Variants in IL23R observed in about 807,000 individuals in gnomAD.
IL23R encodes the protein interleukin-23 receptor.
A neutral mutation model predicts 56.9 loss-of-function variants in IL23R; 34 were observed. The observed-to-expected ratio is 0.60, with a 90% CI of 0.45 to 0.80. IL23R has a LOEUF of 0.80. Among genes scored for constraint, IL23R ranks in the 30% least tolerant of loss-of-function variants. IL23R has a pLI of 0.00. For missense variants in IL23R, 635 were observed against 730.0 expected, an observed-to-expected ratio of 0.87 and a Z score of 1.50; for synonymous variants, 230 against 249.2, an observed-to-expected ratio of 0.92 and a Z score of 0.73.
At chr1:67,257,865 G>A (rs561557709) in intron 10 of IL23R, among the ~76,000 whole-genome samples, 35 of 152,094 alleles carry the variant, frequency 2.3e-4, no homozygotes, top group African/African-American at 8.2e-4. Context: ...TACTACGCCT[G>A]GCTGATTTTT....
chr1:67,201,000 G>C, intron 5 of IL23R, 103 bp downstream of exon 5: 1 of 1,196,254 alleles, frequency 8.4e-7, no homozygotes, highest in Non-Finnish European at 1.2e-6. Context: ...AGTTCCTGCA[G>C]AGCATGATAA....
At chr1:67,156,810 G>A (rs1242047973) in intron 1 of IL23R, among the ~76,000 whole-genome samples, 1 of 152,140 alleles carries the variant, frequency 6.6e-6, no homozygotes, top group East Asian at 1.9e-4. Context: ...CCCTTTCCAG[G>A]GCAGTGGATG....
chr1:67,259,446 A>G lies in IL23R; in HGVS notation c.*318A>G. Reference sequence around the variant, plus strand: ...AGCCATTCTTCTGCCTCATTTCTTAAAATTAGAGAATTAAGGTCCCGAAGG... The same window carrying G: ...AGCCATTCTTCTGCCTCATTTCTTAGAATTAGAGAATTAAGGTCCCGAAGG... On this transcript the variant is annotated 3_prime_UTR_variant, in exon 11 of 11. Transcript: ENST00000347310. 2.9e-6 allele frequency: 1 copy of G among 349,398 alleles called. No homozygotes were observed. The highest frequency in any genetic ancestry group is 3.0e-5 in the South Asian group (1 of 33,512). 21.6% of individuals were successfully genotyped at this position (349,398 alleles called of 1,614,324 possible). A position where few individuals can be genotyped will look rare whatever the true frequency, so the allele number is the denominator to read the frequency against.
At chr1:67,198,058 A>C (rs1648303616) in intron 4 of IL23R, among the ~76,000 whole-genome samples, 1 of 152,156 alleles carries the variant, frequency 6.6e-6, no homozygotes, top group Non-Finnish European at 1.5e-5. Context: ...TGAACAAGAT[A>C]GAGGGAGGGG....
intron 5 of IL23R, among the ~76,000 whole-genome samples, chr1:67,203,576 T>G (rs1413544952): frequency 6.6e-6 from 1 of 152,172 alleles, no homozygotes; most frequent in African/African-American, 2.4e-5. Context: ...CAGAATGTAC[T>G]CAGAAACTCA....
At chr1:67,211,219 A>G (rs1649446907) in intron 6 of IL23R, among the ~76,000 whole-genome samples, 1 of 152,238 alleles carries the variant, frequency 6.6e-6, no homozygotes, top group Non-Finnish European at 1.5e-5. Context: ...TCAAAACAAC[A>G]CAAATACAAT....
At chr1:67,164,635 A>AT (rs1192763721), upstream of IL23R, among the ~76,000 whole-genome samples, 1 of 50,990 alleles carries the variant, frequency 2.0e-5, no homozygotes, top group Non-Finnish European at 3.5e-5. Context: ...CTGTCACAAA[A>AT]TAAAATAAAA....
intron 9 of IL23R, among the ~76,000 whole-genome samples, chr1:67,243,838 C>G (rs1652018093): frequency 6.6e-6 from 1 of 152,102 alleles, no homozygotes; most frequent in Non-Finnish European, 1.5e-5. Flanking sequence ...AATGGGATTG[C>G]TGGGTCAAAT....
intron 3 of IL23R, among the ~76,000 whole-genome samples, chr1:67,179,720 A>G (rs1647063535): frequency 6.6e-6 from 1 of 152,002 alleles, no homozygotes; most frequent in African/African-American, 2.4e-5. Flanking sequence ...TAGGTTGTCA[A>G]TTTTAGATCT....
chr1:67,209,867 T>C (rs1034124184), intron 6 of IL23R, among the ~76,000 whole-genome samples: 6 of 152,220 alleles, frequency 3.9e-5, no homozygotes, highest in Non-Finnish European at 1.5e-5. Context: ...AGTTGCTAAA[T>C]AGACAAAGCT....
chr1:67,257,261 TTATTTGTCACAGTGC>T (rs1412647590), intron 10 of IL23R, among the ~76,000 whole-genome samples: 1 of 152,126 alleles, frequency 6.6e-6, no homozygotes, highest in Non-Finnish European at 1.5e-5. Context: ...CAACAAACAT[TTATTTGTCACAGTGC>T]TGGAGGCTGG....
chr1:67,182,633 A>G (rs1461632785), intron 3 of IL23R, among the ~76,000 whole-genome samples: 1 of 151,932 alleles, frequency 6.6e-6, no homozygotes, highest in Non-Finnish European at 1.5e-5. Context: ...TGTGCACTGC[A>G]CCCACTGTCC....
intron 7 of IL23R, among the ~76,000 whole-genome samples, chr1:67,226,200 G>C (rs1650607193): frequency 6.6e-6 from 1 of 152,202 alleles, no homozygotes; most frequent in Non-Finnish European, 1.5e-5. Context: ...CAAAGCCCAA[G>C]TGGGAATGTG....
chr1:67,205,908 TTTCTTTCTTTCTTTC>T (rs1257703955), intron 5 of IL23R, among the ~76,000 whole-genome samples: 1 of 122,526 alleles, frequency 8.2e-6, no homozygotes, highest in Non-Finnish European at 1.9e-5. Context: ...TCTTTCTTTC[TTTCTTTCTTTCTTTC>T]TTTTTCTTTC....
intron 8 of IL23R, 70 bp from the exon 9 acceptor site, chr1:67,240,109 G>A: frequency 9.1e-7 from 1 of 1,100,916 alleles, no homozygotes; most frequent in South Asian, 1.3e-5. Context: ...GCAGAGTAAA[G>A]AGAATAGTAA....
At chr1:67,243,108 G>A (rs1450034226) in intron 9 of IL23R, among the ~76,000 whole-genome samples, 1 of 152,156 alleles carries the variant, frequency 6.6e-6, no homozygotes, top group African/African-American at 2.4e-5. Context: ...GACTCTGGAA[G>A]GATAAGGTGG....
chr1:67,191,109 T>C (rs1310277988), intron 4 of IL23R, among the ~76,000 whole-genome samples: 1 of 152,170 alleles, frequency 6.6e-6, no homozygotes, highest in East Asian at 1.9e-4. Context: ...TCATGACCAC[T>C]AACCTCAACT....
chr1:67,246,651 A>C (rs1652245787), intron 9 of IL23R, among the ~76,000 whole-genome samples: 1 of 152,126 alleles, frequency 6.6e-6, no homozygotes, highest in Admixed American at 6.5e-5. Context: ...CTGAGTTCTA[A>C]TTTGATTTCA....
intron 4 of IL23R, among the ~76,000 whole-genome samples, chr1:67,190,431 G>GT: frequency 1.1e-5 from 1 of 92,860 alleles, no homozygotes; most frequent in African/African-American, 4.6e-5. Context: ...GTAATGATAG[G>GT]GAAAAAAAAA....
Sources: allele counts gnomAD v4.1 joint callset (sites outside exome capture counted in the v4.1 genomes callset), GRCh38; gene constraint gnomAD v4.1.1; transcripts MANE v1.5; gene names NCBI Gene and HGNC (gene_info 2026-07-23, HGNC 2026-07-21).